Variants in ROBO3 observed in about 807,000 individuals in gnomAD.
ROBO3 encodes roundabout homolog 3.
In ROBO3, 97 loss-of-function variants were observed where a neutral mutation model predicts 160.5. That is an observed-to-expected ratio of 0.60 (90% confidence interval 0.51 to 0.72). The LOEUF is 0.72. ROBO3 is among the 30% of genes least tolerant of loss of function. The pLI, the probability that ROBO3 is intolerant of heterozygous loss-of-function variation, is 0.00. For missense variants in ROBO3, 1,858 were observed against 1,846.5 expected, an observed-to-expected ratio of 1.01 and a Z score of -0.11; for synonymous variants, 780 against 746.2, an observed-to-expected ratio of 1.05 and a Z score of -0.74.
chr11:124,876,279 C>A lies in ROBO3; in HGVS notation c.2598C>A (p.Ser866=). ...TCACTTCTCTGACCCCCACAGCGTCCCCGCCGGACCTGGAGCCCGGGCTGG... is the reference window on the plus strand; with the variant it reads ...TCACTTCTCTGACCCCCACAGCGTCACCGCCGGACCTGGAGCCCGGGCTGG... The part of the protein sequence containing the change: ...PSAPVLVQLP[S]PPDLEPGLEV... The change falls in exon 17 of 28, where the codon TCC becomes TCA. Residue 866 remains serine (S), a synonymous_variant. Coordinates refer to ENST00000397801, the MANE Select transcript of ROBO3 (RefSeq NM_022370.4). This position sits in a 1 kb window ranked among gnomAD's most constrained non-coding sequence, Gnocchi z 5.3. 6.8e-7 allele frequency: 1 copy of A among 1,467,840 alleles called. No homozygotes were observed. The highest frequency in any genetic ancestry group is 8.9e-7 in the Non-Finnish European group (1 of 1,121,650). 90.9% of individuals were successfully genotyped at this position (1,467,840 alleles called of 1,614,324 possible).
chr11:124,867,610 A>G (rs1946216873), intron 1 of ROBO3, among the ~76,000 whole-genome samples: 1 of 152,164 alleles, frequency 6.6e-6, no homozygotes, highest in Non-Finnish European at 1.5e-5. Flanking sequence ...ACAGAAATCG[A>G]TCTTCTTGAC....
Position 124,870,625 on chromosome 11 carries a change from C to G in ROBO3, c.930C>G (p.Ser310Arg). 6.2e-7 allele frequency: 1 copy of G among 1,613,702 alleles called. No homozygotes were observed. The highest frequency in any genetic ancestry group is 1.1e-5 in the South Asian group (1 of 90,954). The change falls in exon 6 of 28, where the codon AGC becomes AGG. Residue 310 changes from serine (S) to arginine (R), a missense_variant. Coordinates refer to ENST00000397801, the MANE Select transcript of ROBO3 (RefSeq NM_022370.4). ...TGRYEIRSDHSLWIGHVSAED... is the reference protein window; with the variant it reads ...TGRYEIRSDHRLWIGHVSAED... ...GGTATGAGATCCGGAGTGACCACAG[C>G]CTTTGGATTGGGCATGTGAGTGCCG...
At position 124,878,323 on chromosome 11, in the gene ROBO3, T is replaced by C; in HGVS notation, c.3207T>C (p.Leu1069=). 1 of 1,613,700 alleles carries C rather than the reference T, an allele frequency of 6.2e-7. No homozygotes were observed. The highest frequency in any genetic ancestry group is 8.5e-7 in the Non-Finnish European group (1 of 1,179,782). ...DSGAKGGKVK[L]LGKPVQMPSL... Reference sequence around the variant, plus strand: ...GAGCCAAGGGAGGCAAAGTGAAGCTTCTGGGGAAACCTGTGCAGATGCCCT... The same window carrying C: ...GAGCCAAGGGAGGCAAAGTGAAGCTCCTGGGGAAACCTGTGCAGATGCCCT... Residue 1069 remains leucine, a synonymous_variant, in exon 22 of 28, where the codon CTT becomes CTC. Coordinates refer to ENST00000397801, the MANE Select transcript of ROBO3 (RefSeq NM_022370.4). This position sits in a 1 kb window ranked among gnomAD's most constrained non-coding sequence, Gnocchi z 4.3.
intron 1 of ROBO3, chr11:124,868,417 A>T (rs1049606216): frequency 2.0e-5 from 11 of 539,564 alleles, no homozygotes; most frequent in Non-Finnish European, 3.3e-5. Flanking sequence ...TCCGTGAACC[A>T]GTGCAGGTGG....
At chr11:124,881,194 C>A in intron 27 of ROBO3, 45 bp from the exon 28 acceptor site, 1 of 1,591,218 alleles carries the variant, frequency 6.3e-7, no homozygotes, top group East Asian at 2.3e-5. Flanking sequence ...CTTGTTTGCC[C>A]TGGGCCAGGG....
chr11:124,865,524 A>G lies in ROBO3; in HGVS notation c.-54A>G. On this transcript the variant is annotated 5_prime_UTR_variant, in exon 1 of 28. Coordinates refer to ENST00000397801, the MANE Select transcript of ROBO3 (RefSeq NM_022370.4). The surrounding 1 kb of genome is among the most constrained non-coding windows in gnomAD (Gnocchi z 5.5). ...TTACGGCTCCCAGCCCACGGGTCTC[A>G]GACCCAGGGGCTGGGCCCCCAGCCC... 1 of 1,580,556 alleles carries G rather than the reference A, an allele frequency of 6.3e-7. No individual in the cohort carries two copies. The highest frequency in any genetic ancestry group is 8.6e-7 in the Non-Finnish European group (1 of 1,163,924).
Position 124,872,236 on chromosome 11 carries a change from T to C in ROBO3, c.1159-145T>C. 1.4e-6 allele frequency: 1 copy of C among 737,846 alleles called. No homozygotes were observed. The highest frequency in any genetic ancestry group is 2.4e-6 in the Non-Finnish European group (1 of 424,918). The allele number at this position is 737,846 out of a possible 1,614,324, so 45.7% of individuals were successfully genotyped here. On this transcript the variant is annotated intron_variant, in intron 7 of 27. Transcript: ENST00000397801. The surrounding 1 kb of genome is among the most constrained non-coding windows in gnomAD (Gnocchi z 4.3). Reference sequence around the variant, plus strand: ...GTTTTTGTGAATACATTTAACTACTTTGCCCAAGTTCACATCACTGCTGGA... The same window carrying C: ...GTTTTTGTGAATACATTTAACTACTCTGCCCAAGTTCACATCACTGCTGGA...
At position 124,881,384 on chromosome 11, in the gene ROBO3, A is replaced by G; in HGVS notation, c.*134A>G. On this transcript the variant is annotated 3_prime_UTR_variant, in exon 28 of 28. Transcript: ENST00000397801. Reference sequence around the variant, plus strand: ...CACGATTTCAATTGGCTGAGAAGGCAGAGAGCTAGCTCCTCCCTTTCTTTC... The same window carrying G: ...CACGATTTCAATTGGCTGAGAAGGCGGAGAGCTAGCTCCTCCCTTTCTTTC... 1.2e-6 allele frequency: 1 copy of G among 839,990 alleles called. No individual in the cohort carries two copies. The highest frequency in any genetic ancestry group is 1.9e-6 in the Non-Finnish European group (1 of 514,594). The allele number at this position is 839,990 out of a possible 1,614,324, so 52.0% of individuals were successfully genotyped here. A position where few individuals can be genotyped will look rare whatever the true frequency, so the allele number is the denominator to read the frequency against.
Position 124,878,509 on chromosome 11 carries a change from G to A in ROBO3, c.3320+73G>A, listed in dbSNP as rs1249019498. Reference sequence around the variant, plus strand: ...TGGGCTGCTGGGGAGGAAGGGGAGGGGGCAGCAGGAAGGCCAACGGGAAGG... The same window carrying A: ...TGGGCTGCTGGGGAGGAAGGGGAGGAGGCAGCAGGAAGGCCAACGGGAAGG... On this transcript the variant is annotated intron_variant, in intron 22 of 27. Coordinates refer to ENST00000397801, the MANE Select transcript of ROBO3 (RefSeq NM_022370.4). The surrounding 1 kb of genome is among the most constrained non-coding windows in gnomAD (Gnocchi z 4.3). 1.2e-6 allele frequency: 2 copies of A among 1,600,930 alleles called. No individual in the cohort carries two copies. Among genetic ancestry groups the A allele is most frequent in the African/African-American group, 1.3e-5 (1 of 74,742 alleles).
chr11:124,881,359 C>A lies in ROBO3; in HGVS notation c.*109C>A. 9.0e-7 allele frequency: 1 copy of A among 1,109,168 alleles called. No homozygotes were observed. Among genetic ancestry groups the A allele is most frequent in the African/African-American group, 1.6e-5 (1 of 64,368 alleles). 68.7% of individuals were successfully genotyped at this position (1,109,168 alleles called of 1,614,324 possible). A position where few individuals can be genotyped will look rare whatever the true frequency, so the allele number is the denominator to read the frequency against. On this transcript the variant is annotated 3_prime_UTR_variant, in exon 28 of 28. Coordinates refer to ENST00000397801, the MANE Select transcript of ROBO3 (RefSeq NM_022370.4). ...GGGCTAGCTGAAGCCCATTGGTTTC[C>A]ACGATTTCAATTGGCTGAGAAGGCA...
Position 124,879,818 on chromosome 11 carries a change from G to A in ROBO3, c.3828G>A (p.Glu1276=), listed in dbSNP as rs1180270216. 6.2e-7 allele frequency: 1 copy of A among 1,613,780 alleles called. No homozygotes were observed. The highest frequency in any genetic ancestry group is 8.5e-7 in the Non-Finnish European group (1 of 1,179,854). The change falls in exon 26 of 28, where the codon GAG becomes GAA. Residue 1276 remains glutamate, a synonymous_variant. Transcript: ENST00000397801. ...CCCCACCACCCTTGCCACCGCCAGAGGAAGAGGCGAGCTGGGCCCTAGAGC... is the reference window on the plus strand; with the variant it reads ...CCCCACCACCCTTGCCACCGCCAGAAGAAGAGGCGAGCTGGGCCCTAGAGC... ...DLPPPPLPPP[E]EEASWALELR...
chr11:124,874,636 C>G (rs943983014), intron 12 of ROBO3, among the ~76,000 whole-genome samples, 152 bp from the exon 13 acceptor site: 1 of 152,240 alleles, frequency 6.6e-6, no homozygotes, highest in Non-Finnish European at 1.5e-5. Context: ...AGGCCCATGT[C>G]TGGAAGCTAT....
chr11:124,877,243 C>G (rs1033868169), intron 18 of ROBO3, 24 bp from the exon 19 acceptor site: 1 of 1,613,966 alleles, frequency 6.2e-7, no homozygotes, highest in Non-Finnish European at 8.5e-7. Context: ...TTCTCTCACT[C>G]ATTCGCCCCC....
At position 124,879,834 on chromosome 11, in the gene ROBO3, G is replaced by A; in HGVS notation, c.3844G>A (p.Ala1282Thr). The A allele has an allele frequency of 6.2e-7, 1 of 1,613,880 alleles. No homozygotes were observed. Among genetic ancestry groups the A allele is most frequent in the Non-Finnish European group, 8.5e-7 (1 of 1,179,856 alleles). ...ACCGCCAGAGGAAGAGGCGAGCTGG[G>A]CCCTAGAGCTGAGGGCAGCAGGCAG... is the stretch of plus-strand genomic sequence containing the variant. ...LPPPEEEASW[A>T]LELRAAGSMS... The change falls in exon 26 of 28, where the codon GCC becomes ACC. Residue 1282 changes from alanine to threonine, a missense_variant. Physicochemically the swap from Ala to Thr is moderately conservative, Grantham distance 58. Coordinates refer to ENST00000397801, the MANE Select transcript of ROBO3 (RefSeq NM_022370.4).
At chr11:124,880,742 G>C in intron 27 of ROBO3, 134 bp downstream of exon 27, 9 of 1,296,438 alleles carry the variant, frequency 6.9e-6, no homozygotes, top group Non-Finnish European at 9.2e-6. Flanking sequence ...GGGTGAGGGG[G>C]AGGGAGGAAT....
In ROBO3 at chr11:124,879,340, A is replaced by C; in HGVS notation, c.3684A>C (p.Pro1228=). ...SPAPSTASSA[P]GRTWQGNGEM... The stretch of plus-strand genomic sequence containing the variant: ...CCCCTAGCACAGCCAGCAGTGCCCC[A>C]GGTAAGTCTCTACAACCTCCTTTTG... Residue 1228 remains proline, a splice_region_variant and synonymous_variant, in exon 24 of 28, where the codon CCA becomes CCC. Coordinates refer to ENST00000397801, the MANE Select transcript of ROBO3 (RefSeq NM_022370.4). The C allele has an allele frequency of 6.2e-7, 1 of 1,608,580 alleles. No individual in the cohort carries two copies. The highest frequency in any genetic ancestry group is 8.5e-7 in the Non-Finnish European group (1 of 1,176,574).
At chr11:124,870,544 G>GA in intron 5 of ROBO3, 57 bp from the exon 6 acceptor site, 1 of 1,610,568 alleles carries the variant, frequency 6.2e-7, no homozygotes, top group Non-Finnish European at 8.5e-7. Flanking sequence ...TGTCCTGGGG[G>GA]AGAGAGAAAG....
Position 124,874,063 on chromosome 11 carries a change from G to C in ROBO3, c.1785-7G>C, listed in dbSNP as rs201554753. The C allele has an allele frequency of 8.7e-6, 14 of 1,613,778 alleles. No homozygotes were observed. Among genetic ancestry groups the C allele is most frequent in the East Asian group, 2.2e-5 (1 of 44,872 alleles). Reference sequence around the variant, plus strand: ...TAGACAACCCTGTCATCTCCTTCTTGTTGTAGCCCAGCAGCTGGCAACACA... The same window carrying C: ...TAGACAACCCTGTCATCTCCTTCTTCTTGTAGCCCAGCAGCTGGCAACACA... On this transcript the variant is annotated splice_polypyrimidine_tract_variant and splice_region_variant and intron_variant, in intron 11 of 27. Coordinates refer to ENST00000397801, the MANE Select transcript of ROBO3 (RefSeq NM_022370.4).
Position 124,873,111 on chromosome 11 carries a change from C to G in ROBO3, c.1536+22C>G. The G allele has an allele frequency of 6.2e-7, 1 of 1,604,572 alleles. No individual in the cohort carries two copies. Reference sequence around the variant, plus strand: ...GCAGGTGAGTGTCACCCCTGGGGCCCTAGTAGCTGAGAATGGCTATCTGCT... The same window carrying G: ...GCAGGTGAGTGTCACCCCTGGGGCCGTAGTAGCTGAGAATGGCTATCTGCT... On this transcript the variant is annotated intron_variant, in intron 9 of 27. Coordinates refer to ENST00000397801, the MANE Select transcript of ROBO3 (RefSeq NM_022370.4). The surrounding 1 kb of genome is among the most constrained non-coding windows in gnomAD (Gnocchi z 4.5).
Sources: gnomAD v4.1 joint callset for allele counts (sites outside exome capture counted in the v4.1 genomes callset) on GRCh38, gnomAD v4.1.1 for gene constraint, Gnocchi (gnomAD v3.1) non-coding constraint, MANE v1.5 for transcripts, NCBI Gene and HGNC (gene_info 2026-07-23, HGNC 2026-07-21) for gene names.